Variants in PID1 observed in about 807,000 individuals in gnomAD.
The protein encoded by PID1 is PTB-containing, cubilin and LRP1-interacting protein.
Under a neutral mutation model 19.1 loss-of-function variants are expected in PID1, and 10 were observed. The observed-to-expected ratio is 0.52, with a 90% CI of 0.32 to 0.89. PID1 has a LOEUF of 0.89. Among genes scored for constraint, PID1 ranks in the 40% least tolerant of loss-of-function variants. PID1 has a pLI of 0.03. For missense variants in PID1, 248 were observed against 285.3 expected, an observed-to-expected ratio of 0.87 and a Z score of 0.94; for synonymous variants, 130 against 116.0, an observed-to-expected ratio of 1.12 and a Z score of -0.78.
intron 1 of PID1, among the ~76,000 whole-genome samples, chr2:229,208,159 C>T (rs1282831906): frequency 6.6e-6 from 1 of 152,126 alleles, no homozygotes; most frequent in Non-Finnish European, 1.5e-5. Flanking sequence ...ATGAATGAGT[C>T]CATTTCTGGT....
chr2:229,232,081 T>G, intron 1 of PID1: 1 of 1,507,810 alleles, frequency 6.6e-7, no homozygotes, highest in East Asian at 2.5e-5. Flanking sequence ...TACAAGGCTT[T>G]TCATTCCATT....
intron 1 of PID1, among the ~76,000 whole-genome samples, chr2:229,197,055 A>G (rs114819807): frequency 1.3e-3 from 195 of 152,194 alleles, no homozygotes; most frequent in Non-Finnish European, 2.5e-3. Context: ...TTTTCAATTA[A>G]ACTGTAACAA....
chr2:229,216,329 T>C (rs1219444810), intron 1 of PID1, among the ~76,000 whole-genome samples: 1 of 152,202 alleles, frequency 6.6e-6, no homozygotes, highest in Non-Finnish European at 1.5e-5. Flanking sequence ...CTCCTCCCGA[T>C]TCAGAGCTTG....
chr2:229,262,570 C>T, intron 1 of PID1: 1 of 1,430,092 alleles, frequency 7.0e-7, no homozygotes, highest in Non-Finnish European at 9.2e-7. Context: ...AGTAGAGTGA[C>T]CAAACATAGT....
In PID1 at chr2:229,229,895, T is replaced by C. The variant is rs531843679; in HGVS notation, c.30+41119A>G. Reference sequence around the variant, plus strand: ...CATGCTGATTCTACAAAGAGGACATTTGAACTTGGCTTTAGAGCAGATGTT... The same window carrying C: ...CATGCTGATTCTACAAAGAGGACATCTGAACTTGGCTTTAGAGCAGATGTT... On this transcript the variant is annotated intron_variant, in intron 1 of 2. Transcript: ENST00000392055. Among the ~76,000 whole-genome samples the C allele has an allele frequency of 3.9e-5, 6 of 152,300 alleles. No homozygotes were observed. In the South Asian group the frequency reaches 1.0e-3, roughly 26 times the overall value.
At chr2:229,109,630 T>C (rs1452942120) in intron 2 of PID1, among the ~76,000 whole-genome samples, 1 of 152,220 alleles carries the variant, frequency 6.6e-6, no homozygotes, top group Non-Finnish European at 1.5e-5. Flanking sequence ...AGTAGAGCAA[T>C]GCTCATAAAC....
At chr2:229,105,163 C>CATAATTTATGAG (rs1695151619) in intron 2 of PID1, among the ~76,000 whole-genome samples, 2 of 152,194 alleles carry the variant, frequency 1.3e-5, no homozygotes, top group Non-Finnish European at 2.9e-5. Context: ...AACATGTTAT[C>CATAATTTATGAG]ACATAATTTA....
At chr2:229,221,197 GTCCACA>G (rs1691963001) in intron 1 of PID1, among the ~76,000 whole-genome samples, 1 of 152,114 alleles carries the variant, frequency 6.6e-6, no homozygotes, top group Non-Finnish European at 1.5e-5. Flanking sequence ...GGAATGAAAG[GTCCACA>G]TCCAGGGAAT....
intron 2 of PID1, among the ~76,000 whole-genome samples, chr2:229,155,494 A>G (rs1463656565): frequency 6.6e-6 from 1 of 151,556 alleles, no homozygotes; most frequent in African/African-American, 2.4e-5. Context: ...AATGATGTGA[A>G]CCCAGGAGGC....
At position 229,169,977 on chromosome 2, in the gene PID1, G is replaced by A. The variant is rs79473628; in HGVS notation, c.31-14013C>T. 3.9e-3 allele frequency among the ~76,000 whole-genome samples: 595 copies of A among 152,206 alleles called. 5 individuals are homozygous for A. Among genetic ancestry groups the A allele is most frequent in the African/African-American group, 0.014 (562 of 41,528 alleles). Reference sequence around the variant, plus strand: ...ACTAGACTCACAACCCCAGACATCTGGTGACTGGCTCAGTTCTGAAGACAG... The same window carrying A: ...ACTAGACTCACAACCCCAGACATCTAGTGACTGGCTCAGTTCTGAAGACAG... On this transcript the variant is annotated intron_variant, in intron 1 of 2. Coordinates refer to ENST00000392055, the MANE Select transcript of PID1 (RefSeq NM_001100818.2).
At chr2:229,134,476 T>C (rs1451713623) in intron 2 of PID1, among the ~76,000 whole-genome samples, 1 of 151,684 alleles carries the variant, frequency 6.6e-6, no homozygotes, top group Non-Finnish European at 1.5e-5. Flanking sequence ...ACTCCTGACC[T>C]CATGATCCGC....
intron 1 of PID1, among the ~76,000 whole-genome samples, chr2:229,207,962 T>C (rs1469893689): frequency 6.6e-6 from 1 of 152,156 alleles, no homozygotes; most frequent in Non-Finnish European, 1.5e-5. Context: ...AGCCCTTAGC[T>C]GGAGACACTG....
chr2:229,053,585 C>T (rs533921931), intron 2 of PID1, among the ~76,000 whole-genome samples: 57 of 152,200 alleles, frequency 3.7e-4, no homozygotes, highest in Non-Finnish European at 6.5e-4. Context: ...CCAGCAAGCC[C>T]GAGGAACAGC....
chr2:229,251,852 G>C (rs547850261), intron 1 of PID1, among the ~76,000 whole-genome samples: 1 of 148,184 alleles, frequency 6.7e-6, no homozygotes, highest in Admixed American at 6.8e-5. Context: ...TCCTTGGATC[G>C]AAATAAGTCC....
chr2:229,158,606 T>TAA (rs909726141), intron 1 of PID1, among the ~76,000 whole-genome samples: 4 of 145,168 alleles, frequency 2.8e-5, no homozygotes, highest in African/African-American at 2.5e-5. Flanking sequence ...CCACAAATAT[T>TAA]AAAAAAAAAA....
intron 2 of PID1, among the ~76,000 whole-genome samples, chr2:229,082,747 T>C (rs1694692855): frequency 6.6e-6 from 1 of 152,168 alleles, no homozygotes; most frequent in Non-Finnish European, 1.5e-5. Context: ...GATTTTGAAG[T>C]ACATTCTTCT....
chr2:229,094,650 T>C (rs1694939332), intron 2 of PID1, among the ~76,000 whole-genome samples: 1 of 152,010 alleles, frequency 6.6e-6, no homozygotes, highest in Non-Finnish European at 1.5e-5. Flanking sequence ...AACCAATTGA[T>C]CTTTGACAAA....
intron 2 of PID1, among the ~76,000 whole-genome samples, chr2:229,132,503 G>A (rs1003947029): frequency 4.6e-5 from 7 of 152,148 alleles, no homozygotes; most frequent in Admixed American, 3.3e-4. Context: ...TGGATTGCTA[G>A]AACTTCAAAA....
chr2:229,222,186 A>C (rs1038531782), intron 1 of PID1, among the ~76,000 whole-genome samples: 2 of 151,994 alleles, frequency 1.3e-5, no homozygotes, highest in Non-Finnish European at 2.9e-5. Flanking sequence ...CTTCTATTCA[A>C]CCTGATCTTG....
Sources: gnomAD v4.1 joint callset for allele counts (sites outside exome capture counted in the v4.1 genomes callset) on GRCh38, gnomAD v4.1.1 for gene constraint, MANE v1.5 for transcripts, NCBI Gene and HGNC (gene_info 2026-07-23, HGNC 2026-07-21) for gene names.